IQCE: variants seen among roughly 807,000 people sequenced by gnomAD.
IQCE encodes the protein IQ motif containing E.
IQCE carries 115 observed loss-of-function variants against 96.0 expected under a neutral mutation model. That is an observed-to-expected ratio of 1.20 (90% confidence interval 1.03 to 1.40). The LOEUF is 1.40. IQCE is among the 40% of genes most tolerant of loss of function. The pLI, the probability that IQCE is intolerant of heterozygous loss-of-function variation, is 0.00. For missense variants in IQCE, 1,041 were observed against 909.1 expected (o/e 1.15, Z -1.87); for synonymous variants, 412 against 371.2 (o/e 1.11, Z -1.26).
At chr7:2,607,033 C>T in intron 20 of IQCE, 91 bp from the exon 21 acceptor site, 1 of 1,224,916 alleles carries the variant, frequency 8.2e-7, no homozygotes, top group South Asian at 1.5e-5. Context: ...GAATACTTGC[C>T]TCCAAGCAAA....
chr7:2,559,293 G>A, intron 1 of IQCE, 76 bp downstream of exon 1: 3 of 956,788 alleles, frequency 3.1e-6, no homozygotes, highest in Non-Finnish European at 4.0e-6. Flanking sequence ...CGCAGCCTCG[G>A]GGCCCCGCGC....
chr7:2,576,518 G>A (rs977189668), intron 6 of IQCE, among the ~76,000 whole-genome samples: 8 of 151,766 alleles, frequency 5.3e-5, no homozygotes, highest in Admixed American at 3.3e-4. Context: ...TCAAGCCTCA[G>A]CCTCCCAAGT....
At chr7:2,601,350 TG>T (rs763410597) in intron 17 of IQCE, 90 bp from the exon 18 acceptor site, 25 of 889,212 alleles carry the variant, frequency 2.8e-5, no homozygotes, top group Admixed American at 4.4e-5. Context: ...GTTGGCTTGA[TG>T]GACACCTGTT....
At position 2,586,254 on chromosome 7, in the gene IQCE, G is replaced by A; in HGVS notation, c.871G>A (p.Gly291Ser). The change falls in exon 12 of 22, where the codon GGC becomes AGC. Residue 291 changes from glycine to serine, a missense_variant. Physicochemically the swap from Gly to Ser is moderately conservative, Grantham distance 56. Coordinates refer to ENST00000402050, the MANE Select transcript of IQCE (RefSeq NM_152558.5). ...KTGAKRQKKM[G>S]SALLSLSRSV... ...GGGCGCCAAAAGGCAGAAGAAGATG[G>A]GCAGTGCCCTCCTGAGCTTGTCCCG... is the stretch of plus-strand genomic sequence containing the variant. The A allele has an allele frequency of 1.9e-6, 3 of 1,614,012 alleles. No individual in the cohort carries two copies. The highest frequency in any genetic ancestry group is 2.5e-6 in the Non-Finnish European group (3 of 1,179,960).
intron 1 of IQCE, among the ~76,000 whole-genome samples, chr7:2,566,358 G>A (rs1217672788): frequency 6.6e-6 from 1 of 150,456 alleles, no homozygotes; most frequent in Non-Finnish European, 1.5e-5. Flanking sequence ...TCATTCCCTG[G>A]ACCAGGACAA....
chr7:2,604,836 G>A (rs749451262), intron 18 of IQCE, 45 bp from the exon 19 acceptor site: 25 of 1,464,240 alleles, frequency 1.7e-5, no homozygotes, highest in African/African-American at 4.2e-5. Flanking sequence ...CCGTTGCCCC[G>A]GGCACTCACA....
chr7:2,580,313 T>G (rs1408841969), intron 8 of IQCE: 3 of 151,932 alleles, frequency 2.0e-5, no homozygotes, highest in Admixed American at 6.6e-5. Flanking sequence ...AAAAAAGATT[T>G]TAAAAGTGTC....
intron 18 of IQCE, 136 bp from the exon 19 acceptor site, chr7:2,604,745 G>A (rs1784667074): frequency 3.2e-6 from 2 of 632,552 alleles, no homozygotes; most frequent in African/African-American, 1.8e-5. Flanking sequence ...CTCTTTGAGA[G>A]AACGTGGCTG....
At position 2,606,914 on chromosome 7, in the gene IQCE, G is replaced by A. The variant is rs75895854; in HGVS notation, c.1866-210G>A. On this transcript the variant is annotated intron_variant, in intron 20 of 21. Transcript: ENST00000402050. ...CAGCATGGTCCCCGAGGAGATGGAC[G>A]GGGACGTGTCTGAGGCTCTTCACCG... Among the ~76,000 whole-genome samples the A allele has an allele frequency of 5.9e-3, 906 of 152,290 alleles. 10 individuals carry two copies. The highest frequency in any genetic ancestry group is 0.021 in the South Asian group (103 of 4,826).
At chr7:2,581,973 A>G (rs1782702730) in intron 8 of IQCE, 1 of 426,710 alleles carries the variant, frequency 2.3e-6, no homozygotes, top group East Asian at 7.6e-5. Context: ...CGGCCTCCCA[A>G]AGTGCTGGGA....
chr7:2,572,439 G>A, intron 5 of IQCE, 113 bp downstream of exon 5: 6 of 1,192,086 alleles, frequency 5.0e-6, no homozygotes, highest in Non-Finnish European at 6.9e-6. Flanking sequence ...TCGTGCATGA[G>A]CTCCGTCACT....
chr7:2,584,515 G>T lies in IQCE; in HGVS notation c.824+230G>T, dbSNP rs544481437. 7.8e-5 allele frequency: 42 copies of T among 540,502 alleles called. 1 individual carries two copies. The South Asian group carries it at 9.4e-4, about 12-fold the overall frequency. 33.5% of individuals were successfully genotyped at this position (540,502 alleles called of 1,614,324 possible). On this transcript the variant is annotated intron_variant, in intron 11 of 21. Coordinates refer to ENST00000402050, the MANE Select transcript of IQCE (RefSeq NM_152558.5). ...TGATGGCCAACGCGTGTTCAATGCC[G>T]CCCGTGTTCGTTATAGATTCTACAT... is the stretch of plus-strand genomic sequence containing the variant.
In IQCE at chr7:2,586,286, C is replaced by T. The variant is rs1783104472; in HGVS notation, c.903C>T (p.Val301=). ...CCCTCCTGAGCTTGTCCCGGAGTGTCCAGGAGCTCACGGAAGAGAACCAGA... is the reference window on the plus strand; with the variant it reads ...CCCTCCTGAGCTTGTCCCGGAGTGTTCAGGAGCTCACGGAAGAGAACCAGA... ...GSALLSLSRS[V]QELTEENQSL... The change falls in exon 12 of 22, where the codon GTC becomes GTT. Residue 301 remains valine (V), a synonymous_variant. Coordinates refer to ENST00000402050, the MANE Select transcript of IQCE (RefSeq NM_152558.5). The T allele has an allele frequency of 6.2e-7, 1 of 1,613,760 alleles. No homozygotes were observed. Among genetic ancestry groups the T allele is most frequent in the African/African-American group, 1.3e-5 (1 of 74,918 alleles).
In IQCE at chr7:2,568,988, C is replaced by T; in HGVS notation, c.119C>T (p.Pro40Leu). Residue 40 changes from proline (P) to leucine (L), a missense_variant, in exon 3 of 22, where the codon CCC becomes CTC. Transcript: ENST00000402050. ...AGGAAAGCTTTCCACAAACCTCCACCCACATCGCCAAGTAAGTATGACGAG... is the reference window on the plus strand; with the variant it reads ...AGGAAAGCTTTCCACAAACCTCCACTCACATCGCCAAGTAAGTATGACGAG... ...AKRKAFHKPP[P>L]TSPKSPYLSK... is the part of the protein sequence containing the mutation. 6.2e-7 allele frequency: 1 copy of T among 1,613,966 alleles called. No homozygotes were observed. The highest frequency in any genetic ancestry group is 8.5e-7 in the Non-Finnish European group (1 of 1,180,004).
In IQCE at chr7:2,571,244, C is replaced by T. The variant is rs181941755; in HGVS notation, c.131-282C>T. On this transcript the variant is annotated intron_variant, in intron 3 of 21. Coordinates refer to ENST00000402050, the MANE Select transcript of IQCE (RefSeq NM_152558.5). ...GTATTGCCCAGGCTGGTCTTGAATT[C>T]CTGGCCTCAAGCGATTCTCCTGCCT... is the stretch of plus-strand genomic sequence containing the variant. Among the ~76,000 whole-genome samples the T allele has an allele frequency of 5.4e-3, 824 of 152,246 alleles. 7 individuals are homozygous for T. The highest frequency in any genetic ancestry group is 0.018 in the African/African-American group (764 of 41,522).
Position 2,598,490 on chromosome 7 carries a change from C to T in IQCE, c.1466C>T (p.Pro489Leu), listed in dbSNP as rs745596467. 2.5e-6 allele frequency: 4 copies of T among 1,595,454 alleles called. No homozygotes were observed. The highest frequency in any genetic ancestry group is 1.4e-5 in the African/African-American group (1 of 73,930). The change falls in exon 17 of 22, where the codon CCC becomes CTC. Residue 489 changes from proline (P) to leucine (L), a missense_variant. Physicochemically the swap from Pro to Leu is moderately conservative, Grantham distance 98. Transcript: ENST00000402050. ...GCCCAAGAGCTCCCAGCTCCCACTC[C>T]CAGCAGCAGGCACTGCGAGCAAGAC... Reference protein sequence around the residue: ...HKAQELPAPTPSSRHCEQDWP... With the variant: ...HKAQELPAPTLSSRHCEQDWP...
chr7:2,562,852 TTTC>T (rs1368443786), intron 1 of IQCE, among the ~76,000 whole-genome samples: 48 of 149,658 alleles, frequency 3.2e-4, no homozygotes, highest in Admixed American at 1.5e-3. Flanking sequence ...GAGATCTTTC[TTTC>T]TTTTTTTTTT....
chr7:2,577,687 C>T (rs1162063351), intron 6 of IQCE, among the ~76,000 whole-genome samples: 1 of 80,980 alleles, frequency 1.2e-5, no homozygotes, highest in Admixed American at 1.2e-4. Context: ...GCGGCGTGCA[C>T]GCATTGGCGT....
At chr7:2,607,075 T>G in intron 20 of IQCE, 49 bp from the exon 21 acceptor site, 1 of 1,495,712 alleles carries the variant, frequency 6.7e-7, no homozygotes. Context: ...TCAGAGAGGT[T>G]TGTACTCTCT....
Sources: gnomAD v4.1 joint callset for allele counts (sites outside exome capture counted in the v4.1 genomes callset) on GRCh38, gnomAD v4.1.1 for gene constraint, MANE v1.5 for transcripts, NCBI Gene and HGNC (gene_info 2026-07-23, HGNC 2026-07-21) for gene names.